Variants in FAM227B observed in about 807,000 individuals in gnomAD.
FAM227B encodes the protein protein FAM227B.
In FAM227B, 88 loss-of-function variants were observed where a neutral mutation model predicts 73.8. The observed-to-expected ratio is 1.19, with a 90% confidence interval of 1.00 to 1.42. The LOEUF is 1.42. Ranked by LOEUF, FAM227B falls within the 40% of genes most tolerant of loss-of-function variation. FAM227B has a pLI of 0.00. For synonymous variants in FAM227B, 210 were observed against 190.5 expected (o/e 1.10, Z -0.84); for missense variants, 632 against 590.9 (o/e 1.07, Z -0.72).
intron 5 of FAM227B, 45 bp from the exon 6 acceptor site, chr15:49,577,709 A>T (rs1291173536): frequency 8.1e-7 from 1 of 1,227,134 alleles, no homozygotes; most frequent in Non-Finnish European, 1.2e-6. Flanking sequence ...TAAATTAAAG[A>T]AATTTTACAT....
intron 13 of FAM227B, among the ~76,000 whole-genome samples, chr15:49,344,743 C>G (rs2041227355): frequency 6.6e-6 from 1 of 152,282 alleles, no homozygotes; most frequent in Non-Finnish European, 1.5e-5. Flanking sequence ...CCCACTTTGG[C>G]TGTCACAGAC....
intron 10 of FAM227B, among the ~76,000 whole-genome samples, chr15:49,521,578 C>T (rs1034079589): frequency 6.6e-6 from 1 of 152,150 alleles, no homozygotes; most frequent in Non-Finnish European, 1.5e-5. Flanking sequence ...TGAAAGTGTG[C>T]CTGCTGCCAC....
intron 3 of FAM227B, among the ~76,000 whole-genome samples, chr15:49,598,796 T>C (rs147958026): frequency 9.2e-5 from 14 of 152,166 alleles, no homozygotes; most frequent in African/African-American, 3.4e-4. Flanking sequence ...CATGAATAAA[T>C]CCTACTTGAT....
chr15:49,559,753 G>C (rs1598235022), intron 9 of FAM227B, among the ~76,000 whole-genome samples: 2 of 151,990 alleles, frequency 1.3e-5, no homozygotes, highest in African/African-American at 2.4e-5. Context: ...TGACCAACAT[G>C]GTGAAACCCC....
chr15:49,458,619 C>A (rs1597333150), intron 11 of FAM227B, among the ~76,000 whole-genome samples: 2 of 152,070 alleles, frequency 1.3e-5, no homozygotes, highest in Non-Finnish European at 2.9e-5. Flanking sequence ...TCAGAGGGAA[C>A]TTTATGTTCC....
chr15:49,526,540 AAAGAT>A (rs2060218175), intron 10 of FAM227B, among the ~76,000 whole-genome samples: 1 of 152,098 alleles, frequency 6.6e-6, no homozygotes. Context: ...AATAAATAAC[AAAGAT>A]AAGAGCAGAA....
chr15:49,599,906 ATG>A (rs751041062), intron 3 of FAM227B, among the ~76,000 whole-genome samples: 6 of 152,152 alleles, frequency 3.9e-5, no homozygotes, highest in Non-Finnish European at 5.9e-5. Context: ...AATGATCTGT[ATG>A]TGTCTGTTAG....
chr15:49,581,454 A>G lies in FAM227B; in HGVS notation c.406-3790T>C, dbSNP rs532954905. Among the ~76,000 whole-genome samples the G allele has an allele frequency of 3.3e-5, 5 of 151,900 alleles. 1 individual carries two copies. In the South Asian group the frequency reaches 1.0e-3, roughly 32 times the overall value. On this transcript the variant is annotated intron_variant, in intron 5 of 15. Transcript: ENST00000299338. ...GTTCTCCTGCCTCAGCCTCCCAAGT[A>G]GCTGGAATTATGCACCACTGCGCCT...
chr15:49,579,318 G>A (rs1461446187), intron 5 of FAM227B, among the ~76,000 whole-genome samples: 2 of 152,138 alleles, frequency 1.3e-5, no homozygotes, highest in Non-Finnish European at 2.9e-5. Flanking sequence ...CTCTCCAAAA[G>A]AAAGGAAATC....
intron 11 of FAM227B, among the ~76,000 whole-genome samples, chr15:49,378,738 A>T (rs1428009726): frequency 6.6e-6 from 1 of 152,174 alleles, no homozygotes; most frequent in Non-Finnish European, 1.5e-5. Context: ...AGATAAACTC[A>T]TCTGCAGATA....
intron 9 of FAM227B, among the ~76,000 whole-genome samples, chr15:49,550,423 G>A (rs1276081410): frequency 6.6e-6 from 1 of 151,410 alleles, no homozygotes; most frequent in Non-Finnish European, 1.5e-5. Flanking sequence ...GCTGCTGGGC[G>A]GAGACGCTCC....
rs558665426 is a variant in FAM227B at position 49,420,487 on chromosome 15, A to G, written c.1013-49088T>C. On this transcript the variant is annotated intron_variant, in intron 11 of 15. Transcript: ENST00000299338. Reference sequence around the variant, plus strand: ...AAAAATAATATGTATGTGTATATACATATACACACAAACATATGTATCCAG... The same window carrying G: ...AAAAATAATATGTATGTGTATATACGTATACACACAAACATATGTATCCAG... Among the ~76,000 whole-genome samples the G allele has an allele frequency of 9.5e-4, 144 of 152,352 alleles. 5 individuals are homozygous for G. In the South Asian group the frequency reaches 0.027, roughly 29 times the overall value.
chr15:49,602,134 A>AT (rs2077245876), intron 3 of FAM227B, among the ~76,000 whole-genome samples: 1 of 151,880 alleles, frequency 6.6e-6, no homozygotes, highest in African/African-American at 2.4e-5. Context: ...TGACATACTG[A>AT]TTTTTTTTCT....
intron 13 of FAM227B, among the ~76,000 whole-genome samples, chr15:49,341,147 T>C (rs1426777238): frequency 6.6e-6 from 1 of 152,238 alleles, no homozygotes; most frequent in Non-Finnish European, 1.5e-5. Context: ...ACCAGTACCA[T>C]GCTGTTTGGG....
intron 9 of FAM227B, among the ~76,000 whole-genome samples, chr15:49,559,498 G>T (rs750080337): frequency 3.3e-5 from 5 of 152,120 alleles, no homozygotes; most frequent in African/African-American, 7.2e-5. Context: ...CCAACTTCTA[G>T]GTCAAACTGC....
chr15:49,586,319 GA>G (rs2076160006), intron 5 of FAM227B, among the ~76,000 whole-genome samples: 1 of 152,128 alleles, frequency 6.6e-6, no homozygotes, highest in Non-Finnish European at 1.5e-5. Flanking sequence ...ATAATGCTGG[GA>G]TAACTGGCTA....
At chr15:49,499,671 G>C (rs984646108) in intron 11 of FAM227B, among the ~76,000 whole-genome samples, 1 of 152,182 alleles carries the variant, frequency 6.6e-6, no homozygotes, top group African/African-American at 2.4e-5. Context: ...CAGTTTTAAA[G>C]GTAGCTGGTT....
intron 11 of FAM227B, among the ~76,000 whole-genome samples, chr15:49,380,453 C>T (rs568602476): frequency 2.0e-5 from 3 of 151,364 alleles, no homozygotes; most frequent in East Asian, 2.0e-4. Flanking sequence ...AGGAGTTTTG[C>T]GTTGATTAAA....
At chr15:49,443,459 G>A (rs549766560) in intron 11 of FAM227B, among the ~76,000 whole-genome samples, 1 of 151,460 alleles carries the variant, frequency 6.6e-6, no homozygotes, top group South Asian at 2.1e-4. Context: ...TACAAATCAG[G>A]GCTTGATTCA....
Sources: allele counts gnomAD v4.1 joint callset (sites outside exome capture counted in the v4.1 genomes callset), GRCh38; gene constraint gnomAD v4.1.1; transcripts MANE v1.5; gene names NCBI Gene and HGNC (gene_info 2026-07-23, HGNC 2026-07-21).